The following UPRT variants were observed in gnomAD, a reference collection of about 807,000 sequenced individuals.
The protein encoded by UPRT is uracil phosphoribosyltransferase homolog, also known as RP11-311P8.3.
UPRT carries 5 observed loss-of-function variants against 22.6 expected under a neutral mutation model. The observed-to-expected ratio is 0.22, with a 90% CI of 0.12 to 0.47. The LOEUF is 0.47. Among genes scored for constraint, UPRT ranks in the 20% least tolerant of loss-of-function variants. The probability of loss-of-function intolerance (pLI) is 0.99; values close to 1 mark genes in which losing one functional copy is unlikely to be tolerated. For synonymous variants in UPRT, 77 were observed against 87.7 expected, an observed-to-expected ratio of 0.88 and a Z score of 0.68; for missense variants, 181 against 239.9, an observed-to-expected ratio of 0.75 and a Z score of 1.62.
chrX:75,290,529 C>T (rs5981833), intron 1 of UPRT, among the ~76,000 whole-genome samples: 18,448 of 111,104 alleles, frequency 0.17, 1,542 homozygotes, highest in Non-Finnish European at 0.25. Flanking sequence ...ACAACAGCAA[C>T]GACATGGAAT....
intron 4 of UPRT, among the ~76,000 whole-genome samples, chrX:75,202,338 T>A (rs1334795436): frequency 9.0e-6 from 1 of 111,256 alleles, no homozygotes; most frequent in Non-Finnish European, 1.9e-5. Context: ...TGCTGGCTCA[T>A]GCCTGTAATT....
At chrX:75,194,254 G>C in intron 4 of UPRT, among the ~76,000 whole-genome samples, 1 of 111,825 alleles carries the variant, frequency 8.9e-6, no homozygotes. Flanking sequence ...TTCCTGAATT[G>C]CATGCTCTAA....
chrX:75,177,187 A>G (rs761297389), intron 4 of UPRT, among the ~76,000 whole-genome samples: 3 of 110,870 alleles, frequency 2.7e-5, no homozygotes, highest in Non-Finnish European at 3.8e-5. Flanking sequence ...AGAACCCGCA[A>G]TGGTCCCTGG....
At chrX:75,295,362 T>G (rs1012719695) in intron 2 of UPRT, among the ~76,000 whole-genome samples, 1 of 110,285 alleles carries the variant, frequency 9.1e-6, no homozygotes, top group Non-Finnish European at 1.9e-5. Context: ...AGATCTAGGC[T>G]CTTCAAAGAA....
At chrX:75,232,186 C>T (rs916641603) in intron 4 of UPRT, among the ~76,000 whole-genome samples, 10 of 112,117 alleles carry the variant, frequency 8.9e-5, no homozygotes, top group Admixed American at 9.4e-5. Context: ...ACAGACGGCA[C>T]CTGGAAAATT....
chrX:75,188,442 C>T (rs2082302751), intron 4 of UPRT, among the ~76,000 whole-genome samples: 1 of 112,259 alleles, frequency 8.9e-6, no homozygotes, highest in Non-Finnish European at 1.9e-5. Flanking sequence ...CAGACAGGGA[C>T]ATTTAAGTCT....
chrX:75,234,738 C>T (rs1187560114), intron 4 of UPRT, among the ~76,000 whole-genome samples: 15 of 110,394 alleles, frequency 1.4e-4, no homozygotes, highest in Admixed American at 5.8e-4. Context: ...TTGAAACCAA[C>T]GAGAACAAAG....
chrX:75,294,645 A>G lies in UPRT; in HGVS notation c.429+1131A>G, dbSNP rs751874891. The G allele has an allele frequency of 2.6e-5, 24 of 935,079 alleles. No individual in the cohort carries two copies. In the South Asian group the frequency reaches 5.2e-4, roughly 20 times the overall value. The allele number at this position is 935,079 out of a possible 1,213,427, so 77.1% of individuals were successfully genotyped here. On this transcript the variant is annotated intron_variant, in intron 2 of 6. Transcript: ENST00000373383. ...CGTAAGTATTCTTGGTTCAGAGACC[A>G]ATTTTATTTAAAATTATTTGAGTTT...
intron 4 of UPRT, among the ~76,000 whole-genome samples, chrX:75,231,108 T>C (rs1295473517): frequency 8.9e-6 from 1 of 111,776 alleles, no homozygotes. Context: ...AAGAACTCTC[T>C]GAATTGCAGA....
intron 1 of UPRT, among the ~76,000 whole-genome samples, 185 bp from the exon 2 acceptor site, chrX:75,293,287 C>T (rs2082714667): frequency 9.0e-6 from 1 of 111,352 alleles, no homozygotes; most frequent in South Asian, 3.8e-4. Flanking sequence ...CATTATTGAT[C>T]AAGTTATCTC....
At chrX:75,160,455 A>C (rs1440295814) in intron 1 of UPRT, among the ~76,000 whole-genome samples, 2 of 111,776 alleles carry the variant, frequency 1.8e-5, no homozygotes, top group Non-Finnish European at 3.8e-5. Context: ...CCTTCCCCCA[A>C]AATAAGGTGC....
upstream of UPRT, among the ~76,000 whole-genome samples, chrX:75,272,343 TAC>T (rs763757876): frequency 1.6e-3 from 141 of 89,789 alleles, 3 homozygotes; most frequent in African/African-American, 5.6e-3. Flanking sequence ...TATATATATA[TAC>T]ACATATATAT....
Position 75,303,592 on chromosome X carries a change from G to T in UPRT, c.*81G>T. 2.4e-6 allele frequency: 2 copies of T among 822,995 alleles called. No homozygotes were observed. Among genetic ancestry groups the T allele is most frequent in the Non-Finnish European group, 1.7e-6 (1 of 588,441 alleles). 67.8% of individuals were successfully genotyped at this position (822,995 alleles called of 1,213,427 possible). On this transcript the variant is annotated 3_prime_UTR_variant, in exon 7 of 7. Transcript: ENST00000373383. ...TATTTGTTTTACTGATTCACTTGAGGGTGGCAGAGAAAAATGTGTTAAAAT... is the reference window on the plus strand; with the variant it reads ...TATTTGTTTTACTGATTCACTTGAGTGTGGCAGAGAAAAATGTGTTAAAAT...
At chrX:75,163,388 T>G (rs1197984636) in intron 3 of UPRT, among the ~76,000 whole-genome samples, 1 of 112,056 alleles carries the variant, frequency 8.9e-6, no homozygotes, top group Non-Finnish European at 1.9e-5. Context: ...AGTCAACTGA[T>G]TCAGTGCCTT....
intron 4 of UPRT, among the ~76,000 whole-genome samples, chrX:75,211,880 GGGAC>G (rs1355040964): frequency 2.7e-5 from 3 of 111,602 alleles, no homozygotes; most frequent in African/African-American, 9.8e-5. Context: ...GTTAAGGTGG[GGGAC>G]CAGCTTAATG....
intron 4 of UPRT, among the ~76,000 whole-genome samples, chrX:75,194,057 T>C (rs1336471441): frequency 1.8e-5 from 2 of 112,244 alleles, no homozygotes; most frequent in Non-Finnish European, 3.8e-5. Context: ...CCAGAGTTCT[T>C]GTGCTGGTTC....
chrX:75,213,553 G>A (rs1272406336), intron 4 of UPRT, among the ~76,000 whole-genome samples: 5 of 111,522 alleles, frequency 4.5e-5, no homozygotes, highest in Non-Finnish European at 7.5e-5. Flanking sequence ...GAGTCAAGAC[G>A]CAATGCCCAA....
At chrX:75,262,186 G>A (rs1013435934) in intron 4 of UPRT, among the ~76,000 whole-genome samples, 5 of 111,410 alleles carry the variant, frequency 4.5e-5, no homozygotes, top group African/African-American at 1.6e-4. Context: ...GCCAAACTAA[G>A]CTTCATAAGA....
chrX:75,259,138 A>G (rs1317671347), intron 4 of UPRT, among the ~76,000 whole-genome samples: 1 of 111,362 alleles, frequency 9.0e-6, no homozygotes, highest in African/African-American at 3.3e-5. Context: ...CAAAGACCAA[A>G]AAGAGATAAA....
Sources: gnomAD v4.1 joint callset for allele counts (sites outside exome capture counted in the v4.1 genomes callset) on GRCh38, gnomAD v4.1.1 for gene constraint, MANE v1.5 for transcripts, NCBI Gene and HGNC (gene_info 2026-07-23, HGNC 2026-07-21) for gene names.